Variants in NUP93 observed in about 807,000 individuals in gnomAD.
The protein encoded by NUP93 is nucleoporin 93.
Under a neutral mutation model 107.8 loss-of-function variants are expected in NUP93, and 55 were observed. That is an observed-to-expected ratio of 0.51 (90% CI 0.41 to 0.64). The LOEUF (loss-of-function observed/expected upper bound fraction) is 0.64. NUP93 is among the 30% of genes least tolerant of loss of function. The pLI, the probability that NUP93 is intolerant of heterozygous loss-of-function variation, is 0.00. For synonymous variants in NUP93, 390 were observed against 397.5 expected (o/e 0.98, Z 0.22); for missense variants, 937 against 1,044.7 (o/e 0.90, Z 1.42).
At chr16:56,764,405 A>C (rs1035739954) in intron 3 of NUP93, among the ~76,000 whole-genome samples, 4 of 152,166 alleles carry the variant, frequency 2.6e-5, no homozygotes, top group Admixed American at 6.5e-5. Context: ...CAGGAGAATC[A>C]CTTGAACCCG....
chr16:56,763,506 GTGTGTGTGTA>G (rs1378961061), intron 3 of NUP93, among the ~76,000 whole-genome samples: 3 of 126,364 alleles, frequency 2.4e-5, no homozygotes, highest in Non-Finnish European at 5.8e-5. Flanking sequence ...GTGGGTGGGT[GTGTGTGTGTA>G]TGTGTGGGTG....
intron 5 of NUP93, among the ~76,000 whole-genome samples, chr16:56,811,001 C>T (rs1596827052): frequency 1.3e-5 from 2 of 152,116 alleles, no homozygotes; most frequent in East Asian, 3.9e-4. Flanking sequence ...AGTATAACTG[C>T]AATTTGTTTA....
intron 9 of NUP93, among the ~76,000 whole-genome samples, chr16:56,829,399 G>A (rs1963735012): frequency 1.3e-5 from 2 of 152,206 alleles, no homozygotes; most frequent in Non-Finnish European, 2.9e-5. Flanking sequence ...GGATTTGAGT[G>A]TGAGAGGCAG....
At position 56,844,910 on chromosome 16, in the gene NUP93, A is replaced by G. The variant is rs1161747138; in HGVS notation, c.*301A>G. The G allele has an allele frequency of 5.2e-6, 2 of 384,912 alleles. No homozygotes were observed. The highest frequency in any genetic ancestry group is 9.2e-6 in the Non-Finnish European group (2 of 218,426). 23.8% of individuals were successfully genotyped at this position (384,912 alleles called of 1,614,324 possible). A position where few individuals can be genotyped will look rare whatever the true frequency, so the allele number is the denominator to read the frequency against. On this transcript the variant is annotated 3_prime_UTR_variant, in exon 22 of 22. Coordinates refer to ENST00000308159, the MANE Select transcript of NUP93 (RefSeq NM_014669.5). ...AGATATTCATTATTTGGTTAAATTG[A>G]CCTTAATTAATTAAAAATCTACCCA...
intron 3 of NUP93, among the ~76,000 whole-genome samples, chr16:56,766,058 C>T (rs1962210877): frequency 1.3e-5 from 2 of 152,136 alleles, no homozygotes; most frequent in Admixed American, 1.3e-4. Context: ...AAGATTTCAG[C>T]CTTTTTATTT....
intron 8 of NUP93, among the ~76,000 whole-genome samples, chr16:56,826,795 C>T (rs1963670418): frequency 6.6e-6 from 1 of 151,676 alleles, no homozygotes; most frequent in Admixed American, 6.6e-5. Flanking sequence ...CGTCTGTAAT[C>T]CCAGCACTTT....
intron 16 of NUP93, among the ~76,000 whole-genome samples, chr16:56,835,123 C>T (rs1963883892): frequency 6.6e-6 from 1 of 152,194 alleles, no homozygotes; most frequent in Non-Finnish European, 1.5e-5. Flanking sequence ...GATTACTGCA[C>T]CCATTCTCCC....
intron 14 of NUP93, 48 bp from the exon 15 acceptor site, chr16:56,834,322 G>A: frequency 1.9e-6 from 3 of 1,613,914 alleles, no homozygotes; most frequent in Non-Finnish European, 2.5e-6. Flanking sequence ...ATGACTATTA[G>A]AGACCTCATG....
Position 56,758,597 on chromosome 16 carries a change from G to A in NUP93, c.239G>A (p.Ser80Asn), listed in dbSNP as rs779278520. 41 of 1,613,804 alleles carry A rather than the reference G, an allele frequency of 2.5e-5. 2 individuals are homozygous for A. In the South Asian group the frequency reaches 4.4e-4, roughly 17 times the overall value. ...DISHISQRLESLSAATTFEPL... is the reference protein window; with the variant it reads ...DISHISQRLENLSAATTFEPL... Reference sequence around the variant, plus strand: ...TCCCACATCTCCCAGCGATTGGAGAGTCTGAGTGCAGCCACCACCTTTGAG... The same window carrying A: ...TCCCACATCTCCCAGCGATTGGAGAATCTGAGTGCAGCCACCACCTTTGAG... Residue 80 changes from serine (S) to asparagine (N), a missense_variant, in exon 3 of 22, where the codon AGT becomes AAT. Physicochemically the swap from Ser to Asn is conservative, Grantham distance 46 (BLOSUM62 1). Transcript: ENST00000308159.
At chr16:56,806,534 C>T (rs550999595) in intron 5 of NUP93, among the ~76,000 whole-genome samples, 1 of 152,264 alleles carries the variant, frequency 6.6e-6, no homozygotes, top group East Asian at 1.9e-4. Context: ...GCCGAGGCTG[C>T]ACTCATTTCA....
chr16:56,804,440 G>T (rs1963089135), intron 4 of NUP93, among the ~76,000 whole-genome samples: 1 of 152,114 alleles, frequency 6.6e-6, no homozygotes, highest in Non-Finnish European at 1.5e-5. Flanking sequence ...ATTGTCTCTG[G>T]CTTATTTCAC....
chr16:56,836,264 C>G (rs1162323859), intron 16 of NUP93, among the ~76,000 whole-genome samples: 1 of 152,100 alleles, frequency 6.6e-6, no homozygotes, highest in African/African-American at 2.4e-5. Flanking sequence ...ATTTTTCTCT[C>G]TAGTTCCTAC....
In NUP93 at chr16:56,834,366, A is replaced by G. The variant is rs1472657084; in HGVS notation, c.1665-4A>G. The G allele has an allele frequency of 4.3e-6, 7 of 1,614,046 alleles. No homozygotes were observed. The South Asian group carries it at 4.4e-5, about 10-fold the overall frequency. On this transcript the variant is annotated splice_region_variant and splice_polypyrimidine_tract_variant and intron_variant, in intron 14 of 21. Transcript: ENST00000308159. Reference sequence around the variant, plus strand: ...GGAAACTGAGTTGTTTATTTCCCTTACAGGGATGAGAAAGATAGTCAAGGA... The same window carrying G: ...GGAAACTGAGTTGTTTATTTCCCTTGCAGGGATGAGAAAGATAGTCAAGGA...
Position 56,836,681 on chromosome 16 carries a change from G to C in NUP93, c.1863G>C (p.Leu621=). The C allele has an allele frequency of 6.2e-7, 1 of 1,614,024 alleles. No homozygotes were observed. ...KVASVAENKG[L]FEEAAKLYDL... The stretch of plus-strand genomic sequence containing the variant: ...CTTCTGTGGCAGAAAATAAAGGACT[G>C]TTTGAAGAGGCAGCAAAGCTGTATG... Residue 621 remains leucine (L), a synonymous_variant, in exon 17 of 22, where the codon CTG becomes CTC. Transcript: ENST00000308159.
rs770464790 is a variant in NUP93, at chr16:56,834,245, A to G, written c.1655A>G (p.Tyr552Cys). ...TDPREALQYFYFLRDEKDSQG... is the reference protein window; with the variant it reads ...TDPREALQYFCFLRDEKDSQG... ...CCAAGGGAGGCCCTCCAGTACTTCT[A>G]TTTCCTCAGGTAACATTTGCTTTTG... The change falls in exon 14 of 22, where the codon TAT becomes TGT. Residue 552 changes from tyrosine to cysteine, a missense_variant. Coordinates refer to ENST00000308159, the MANE Select transcript of NUP93 (RefSeq NM_014669.5). 5.1e-5 allele frequency: 83 copies of G among 1,613,956 alleles called. No individual in the cohort carries two copies. The highest frequency in any genetic ancestry group is 1.6e-4 in the Middle Eastern group (1 of 6,084).
At chr16:56,834,038 T>G (rs1963857692) in intron 13 of NUP93, 90 bp from the exon 14 acceptor site, 1 of 1,568,932 alleles carries the variant, frequency 6.4e-7, no homozygotes. Flanking sequence ...TAGATGCTGC[T>G]GGGTCTGTGG....
At chr16:56,747,626 G>A (rs984997053) in intron 1 of NUP93, among the ~76,000 whole-genome samples, 2 of 152,004 alleles carry the variant, frequency 1.3e-5, no homozygotes, top group Admixed American at 1.3e-4. Context: ...AGGGGAGAGA[G>A]GGAGAGTTAG....
intron 3 of NUP93, chr16:56,783,543 A>G (rs1962559265): frequency 1.0e-6 from 1 of 985,416 alleles, no homozygotes; most frequent in Non-Finnish European, 1.2e-6. Flanking sequence ...CTGACCCTGT[A>G]TGGGAGATGA....
chr16:56,841,667 T>G (rs1257609668), intron 20 of NUP93, 38 bp from the exon 21 acceptor site: 2 of 1,608,874 alleles, frequency 1.2e-6, no homozygotes, highest in Non-Finnish European at 1.7e-6. Context: ...CCCAAAGGCT[T>G]GGTTCTTTTT....
Sources: gnomAD v4.1 joint callset for allele counts (sites outside exome capture counted in the v4.1 genomes callset) on GRCh38, gnomAD v4.1.1 for gene constraint, MANE v1.5 for transcripts, NCBI Gene and HGNC (gene_info 2026-07-23, HGNC 2026-07-21) for gene names.